The following PADI3 variants were observed in gnomAD, a reference collection of about 807,000 sequenced individuals.
The protein encoded by PADI3 is peptidyl arginine deiminase 3, also known as protein-arginine deiminase type-3.
A neutral mutation model predicts 71.5 loss-of-function variants in PADI3; 53 were observed. That is an observed-to-expected ratio of 0.74 (90% CI 0.59 to 0.93). The LOEUF (loss-of-function observed/expected upper bound fraction) is 0.93, where lower values mean the gene tolerates loss of function less well. Among genes scored for constraint, PADI3 ranks in the 40% least tolerant of loss-of-function variants. PADI3 has a pLI of 0.00. For missense variants in PADI3, 821 were observed against 868.0 expected, an observed-to-expected ratio of 0.95 and a Z score of 0.68; for synonymous variants, 361 against 347.5, an observed-to-expected ratio of 1.04 and a Z score of -0.43.
chr1:17,282,081 G>A (rs749878913), intron 15 of PADI3, among the ~76,000 whole-genome samples: 3 of 152,046 alleles, frequency 2.0e-5, no homozygotes, highest in Non-Finnish European at 4.4e-5. Context: ...TTTGCCCTCC[G>A]CTTGCAAAGC....
chr1:17,265,980 A>G lies in PADI3; in HGVS notation c.408+260A>G, dbSNP rs76767264. On this transcript the variant is annotated intron_variant, in intron 4 of 15. Coordinates refer to ENST00000375460, the MANE Select transcript of PADI3 (RefSeq NM_016233.2). ...GGGATCAAGACCTTCTGGACTCATAAACTAGGTCAGGAGTGGGCAAACTTT... is the reference window on the plus strand; with the variant it reads ...GGGATCAAGACCTTCTGGACTCATAGACTAGGTCAGGAGTGGGCAAACTTT... Among the ~76,000 whole-genome samples the G allele has an allele frequency of 9.2e-4, 140 of 152,340 alleles. 3 individuals carry two copies. In the East Asian group the frequency reaches 0.027, roughly 29 times the overall value.
In PADI3 at chr1:17,280,339, C is replaced by T; in HGVS notation, c.1556-11C>T. 1 of 1,609,498 alleles carries T rather than the reference C, an allele frequency of 6.2e-7. No homozygotes were observed. Among genetic ancestry groups the T allele is most frequent in the Non-Finnish European group, 8.5e-7 (1 of 1,175,732 alleles). ...GTCCCTGTCCTTCTCTTTCATCTCT[C>T]TCCTTCACAGATGATGAGCAGGTCA... On this transcript the variant is annotated splice_polypyrimidine_tract_variant and intron_variant, in intron 13 of 15. Coordinates refer to ENST00000375460, the MANE Select transcript of PADI3 (RefSeq NM_016233.2).
chr1:17,252,807 G>C (rs2072982580), intron 1 of PADI3, among the ~76,000 whole-genome samples: 1 of 152,204 alleles, frequency 6.6e-6, no homozygotes, highest in South Asian at 2.1e-4. Context: ...GAACAGACTG[G>C]ACCCATTCCC....
intron 6 of PADI3, 113 bp from the exon 7 acceptor site, chr1:17,270,120 T>G: frequency 1.6e-6 from 2 of 1,214,664 alleles, no homozygotes; most frequent in Non-Finnish European, 2.3e-6. Context: ...AAGGAGGGAG[T>G]TGTTGGAGGA....
intron 2 of PADI3, among the ~76,000 whole-genome samples, chr1:17,261,667 G>A (rs3003426): frequency 0.37 from 56,465 of 152,158 alleles, 11,566 homozygotes; most frequent in African/African-American, 0.55. Context: ...AGAGGTAGAG[G>A]CCTTTTCCCA....
At chr1:17,249,701 A>G (rs2072942117) in intron 1 of PADI3, among the ~76,000 whole-genome samples, 1 of 152,242 alleles carries the variant, frequency 6.6e-6, no homozygotes, top group African/African-American at 2.4e-5. Flanking sequence ...TAAGAGCTTC[A>G]CAAGTCTCTT....
At chr1:17,258,803 A>C (rs1290656203) in intron 1 of PADI3, among the ~76,000 whole-genome samples, 2 of 152,380 alleles carry the variant, frequency 1.3e-5, no homozygotes, top group Middle Eastern at 6.8e-3. Context: ...GGAAGAATTC[A>C]AGGATATCTT....
rs2073425946 is a variant in PADI3, at chr1:17,283,401, G to T, written c.*322G>T. ...ATCCATTTGGGGACAAATCCACATT[G>T]GGGTCTAGAAACATCCACGTATCTC... is the stretch of plus-strand genomic sequence containing the variant. On this transcript the variant is annotated 3_prime_UTR_variant, in exon 16 of 16. Coordinates refer to ENST00000375460, the MANE Select transcript of PADI3 (RefSeq NM_016233.2). 6.5e-6 allele frequency: 2 copies of T among 310,056 alleles called. No individual in the cohort carries two copies. Among genetic ancestry groups the T allele is most frequent in the Admixed American group, 4.7e-5 (1 of 21,504 alleles). The allele number at this position is 310,056 out of a possible 1,614,324, so 19.2% of individuals were successfully genotyped here.
chr1:17,280,907 G>C, intron 15 of PADI3, 111 bp downstream of exon 15: 1 of 1,372,304 alleles, frequency 7.3e-7, no homozygotes, highest in Non-Finnish European at 1.0e-6. Context: ...GGCCAGTGGG[G>C]GTGGCAGGGA....
chr1:17,281,881 G>C (rs1432744588), intron 15 of PADI3, among the ~76,000 whole-genome samples: 1 of 152,214 alleles, frequency 6.6e-6, no homozygotes, highest in Non-Finnish European at 1.5e-5. Context: ...CCCAGGTGGT[G>C]CTGATGCTGC....
chr1:17,252,120 G>C (rs556806061), intron 1 of PADI3, among the ~76,000 whole-genome samples: 2 of 152,278 alleles, frequency 1.3e-5, no homozygotes, highest in South Asian at 2.1e-4. Context: ...TGAGTCTTAG[G>C]ATGGGGAAAG....
chr1:17,280,407 T>A lies in PADI3; in HGVS notation c.1613T>A (p.Ile538Asn). Residue 538 changes from isoleucine to asparagine, a missense_variant, in exon 14 of 16, where the codon ATC becomes AAC. Transcript: ENST00000375460. ...INQVLSNKDL[I>N]NYNKFVQSCI... ...CAGGTGCTCTCCAATAAAGACCTCA[T>A]CAACTACAATAAGTTTGTGCAGGTA... is the stretch of plus-strand genomic sequence containing the variant. 6.2e-7 allele frequency: 1 copy of A among 1,613,944 alleles called. No individual in the cohort carries two copies. Among genetic ancestry groups the A allele is most frequent in the Non-Finnish European group, 8.5e-7 (1 of 1,179,810 alleles).
intron 4 of PADI3, 149 bp from the exon 5 acceptor site, chr1:17,266,570 C>A: frequency 1.4e-6 from 1 of 689,902 alleles, no homozygotes; most frequent in Non-Finnish European, 2.6e-6. Context: ...AGAGCCATTG[C>A]CATTGACATG....
rs763142660 is a variant in PADI3, at chr1:17,266,709, T to G, written c.409-10T>G. 6.2e-7 allele frequency: 1 copy of G among 1,611,644 alleles called. No homozygotes were observed. Among genetic ancestry groups the G allele is most frequent in the Non-Finnish European group, 8.5e-7 (1 of 1,177,776 alleles). ...AGCCCTCATCACTGGCTATGTTTTG[T>G]CATTGGCAGCGGCAGTGGGTCTGGG... On this transcript the variant is annotated splice_polypyrimidine_tract_variant and intron_variant, in intron 4 of 15. Coordinates refer to ENST00000375460, the MANE Select transcript of PADI3 (RefSeq NM_016233.2).
chr1:17,276,747 T>G, intron 12 of PADI3, 27 bp from the exon 13 acceptor site: 1 of 1,613,708 alleles, frequency 6.2e-7, no homozygotes, highest in South Asian at 1.1e-5. Flanking sequence ...GGCAGGAGGC[T>G]CAGCTGAATC....
chr1:17,258,235 G>A (rs1298023867), intron 1 of PADI3, among the ~76,000 whole-genome samples: 1 of 152,180 alleles, frequency 6.6e-6, no homozygotes, highest in Non-Finnish European at 1.5e-5. Flanking sequence ...CCTCCAACTC[G>A]CAGTGGCCTC....
At chr1:17,262,074 C>A (rs2073108777) in intron 2 of PADI3, 59 bp from the exon 3 acceptor site, 6 of 1,503,512 alleles carry the variant, frequency 4.0e-6, no homozygotes, top group Admixed American at 1.7e-5. Context: ...CGAGAGCTAT[C>A]TTTTGGGGCG....
At chr1:17,281,733 G>A (rs556975449) in intron 15 of PADI3, among the ~76,000 whole-genome samples, 7 of 152,310 alleles carry the variant, frequency 4.6e-5, no homozygotes, top group Admixed American at 1.3e-4. Context: ...GATTACAGGC[G>A]GAAGCCACCG....
intron 5 of PADI3, among the ~76,000 whole-genome samples, 157 bp from the exon 6 acceptor site, chr1:17,267,680 A>G (rs908638674): frequency 6.6e-6 from 1 of 152,210 alleles, no homozygotes; most frequent in Admixed American, 6.5e-5. Context: ...AGATGTCTTC[A>G]TGGTTTGTTC....
Sources: allele counts gnomAD v4.1 joint callset (sites outside exome capture counted in the v4.1 genomes callset), GRCh38; gene constraint gnomAD v4.1.1; transcripts MANE v1.5; gene names NCBI Gene and HGNC (gene_info 2026-07-23, HGNC 2026-07-21).